PREP: variants seen among roughly 807,000 people sequenced by gnomAD.
PREP encodes the protein dJ355L5.1 (prolyl endopeptidase).
PREP carries 29 observed loss-of-function variants against 87.6 expected under a neutral mutation model. The ratio of observed to expected loss-of-function variants is 0.33; its 90% CI spans 0.25 to 0.45. PREP has a LOEUF of 0.45. Among genes scored for constraint, PREP ranks in the 20% least tolerant of loss-of-function variants. The probability of loss-of-function intolerance (pLI) is 1.00; values close to 1 mark genes in which losing one functional copy is unlikely to be tolerated. For synonymous variants in PREP, 337 were observed against 328.6 expected (o/e 1.03, Z -0.28); for missense variants, 695 against 886.5 (o/e 0.78, Z 2.74).
intron 7 of PREP, among the ~76,000 whole-genome samples, chr6:105,339,560 T>G (rs1264220633): frequency 1.3e-5 from 2 of 152,096 alleles, no homozygotes; most frequent in Non-Finnish European, 2.9e-5. Context: ...AGCAGAAGAC[T>G]TCAGATGATC....
At chr6:105,392,228 T>C (rs990154212) in intron 2 of PREP, among the ~76,000 whole-genome samples, 6 of 151,926 alleles carry the variant, frequency 3.9e-5, no homozygotes, top group Non-Finnish European at 8.8e-5. Flanking sequence ...TTAGTACAGA[T>C]GGGGTTTCAC....
chr6:105,280,927 G>A (rs1770068902), intron 14 of PREP: 1 of 152,126 alleles, frequency 6.6e-6, no homozygotes, highest in Non-Finnish European at 1.5e-5. Flanking sequence ...ACTTAATTTA[G>A]AAAAGGAAAT....
chr6:105,339,011 T>C (rs955610972), intron 7 of PREP, among the ~76,000 whole-genome samples: 2 of 152,230 alleles, frequency 1.3e-5, no homozygotes, highest in Non-Finnish European at 2.9e-5. Context: ...TAAACATCCC[T>C]GTCTGATAGC....
At position 105,277,882 on chromosome 6, in the gene PREP, C is replaced by CTATT. The variant is rs2114607185; in HGVS notation, c.*258_*261dup. On this transcript the variant is annotated 3_prime_UTR_variant, in exon 15 of 15. Transcript: ENST00000652536. ...TCACAATGTGTTTGTTGCCATTTAG[C>CTATT]TATTTATCCCAACATGCCCTTAAAA... The CTATT allele has an allele frequency of 3.9e-6, 2 of 507,038 alleles. No homozygotes were observed. Among genetic ancestry groups the CTATT allele is most frequent in the East Asian group, 3.3e-5 (1 of 29,924 alleles). The allele number at this position is 507,038 out of a possible 1,614,324, so 31.4% of individuals were successfully genotyped here.
intron 7 of PREP, among the ~76,000 whole-genome samples, chr6:105,345,617 A>G (rs1390939645): frequency 6.6e-6 from 1 of 152,224 alleles, no homozygotes; most frequent in Non-Finnish European, 1.5e-5. Context: ...TGTCACGACA[A>G]CAAATGCAAG....
Position 105,277,901 on chromosome 6 carries a change from C to T in PREP, c.*243G>A. On this transcript the variant is annotated 3_prime_UTR_variant, in exon 15 of 15. Transcript: ENST00000652536. ...ATTTAGCTATTTATCCCAACATGCC[C>T]TTAAAAAAAACACCAAAAAACCACA... 1.8e-6 allele frequency: 1 copy of T among 558,282 alleles called. No homozygotes were observed. The allele number at this position is 558,282 out of a possible 1,614,324, so 34.6% of individuals were successfully genotyped here.
Position 105,282,573 on chromosome 6 carries a change from A to G in PREP, c.1559T>C (p.Leu520Ser). The change falls in exon 13 of 15, where the codon TTG (leucine) becomes TCG (serine). Residue 520 changes from leucine (L) to serine (S), a missense_variant. Coordinates refer to ENST00000652536, the MANE Select transcript of PREP (RefSeq NM_002726.5). ...YGETWHKGGILANKQNCFDDF... is the reference protein window; with the variant it reads ...YGETWHKGGISANKQNCFDDF... ...ATCAAAGCAGTTTTGTTTGTTGGCC[A>G]AGATACCACCTACAGTGTGCCAAAG... 2 of 1,614,112 alleles carry G rather than the reference A, an allele frequency of 1.2e-6. No homozygotes were observed. Among genetic ancestry groups the G allele is most frequent in the Non-Finnish European group, 1.7e-6 (2 of 1,180,000 alleles).
chr6:105,302,235 G>A (rs1237712244), intron 10 of PREP, among the ~76,000 whole-genome samples: 1 of 152,188 alleles, frequency 6.6e-6, no homozygotes, highest in African/African-American at 2.4e-5. Flanking sequence ...CCTGTAACAT[G>A]GCTCACTGCA....
intron 2 of PREP, among the ~76,000 whole-genome samples, chr6:105,382,352 A>T (rs1012567146): frequency 2.8e-4 from 42 of 151,952 alleles, no homozygotes; most frequent in African/African-American, 9.9e-4. Context: ...AAATAGCTTG[A>T]TTTAGCCATT....
intron 7 of PREP, among the ~76,000 whole-genome samples, chr6:105,338,551 G>A (rs1184838319): frequency 1.3e-5 from 2 of 152,208 alleles, no homozygotes; most frequent in African/African-American, 4.8e-5. Flanking sequence ...TCAGACAGTG[G>A]GTGCAGCCCA....
At position 105,278,177 on chromosome 6, in the gene PREP, G is replaced by GATGAACGC; in HGVS notation, c.2092_2099dup (p.Ile700MetfsTer8). ...TCCAGTCGACGTTCAGGCACCGCGC[G>GATGAACGC]ATGAACGCAAACATGTCTGAGACTT... On this transcript the variant is annotated frameshift_variant, in exon 15 of 15. Coordinates refer to ENST00000652536, the MANE Select transcript of PREP (RefSeq NM_002726.5). LOFTEE classifies it high-confidence loss of function. The surrounding 1 kb of genome is among the most constrained non-coding windows in gnomAD (Gnocchi z 4.2). 6.2e-7 allele frequency: 1 copy of GATGAACGC among 1,613,468 alleles called. No homozygotes were observed. The highest frequency in any genetic ancestry group is 8.5e-7 in the Non-Finnish European group (1 of 1,179,480).
At chr6:105,300,490 A>G (rs1770511638) in intron 10 of PREP, among the ~76,000 whole-genome samples, 1 of 152,228 alleles carries the variant, frequency 6.6e-6, no homozygotes, top group South Asian at 2.1e-4. Context: ...AGCAAATCAT[A>G]AAGCTATCCC....
intron 10 of PREP, chr6:105,322,408 G>C: frequency 1.0e-6 from 1 of 971,324 alleles, no homozygotes; most frequent in Non-Finnish European, 1.2e-6. Context: ...CTTTACAGTT[G>C]AAAAAACTGT....
chr6:105,391,754 G>T (rs564598485), intron 2 of PREP, among the ~76,000 whole-genome samples: 1 of 152,362 alleles, frequency 6.6e-6, no homozygotes, highest in East Asian at 1.9e-4. Context: ...GAGACCGACT[G>T]AGAGGAAGAA....
intron 6 of PREP, among the ~76,000 whole-genome samples, chr6:105,366,626 A>G (rs1330287420): frequency 6.6e-6 from 1 of 152,220 alleles, no homozygotes; most frequent in Non-Finnish European, 1.5e-5. Flanking sequence ...TTTCCACTCT[A>G]TTTGTAAACA....
intron 2 of PREP, among the ~76,000 whole-genome samples, chr6:105,379,593 T>A: frequency 6.6e-6 from 1 of 152,148 alleles, no homozygotes; most frequent in East Asian, 1.9e-4. Flanking sequence ...ACTCAGAGAC[T>A]GAAAAAGGAT....
At chr6:105,279,573 C>CT (rs1224636398) in intron 14 of PREP, among the ~76,000 whole-genome samples, 1 of 152,116 alleles carries the variant, frequency 6.6e-6, no homozygotes, top group South Asian at 2.1e-4. Flanking sequence ...AGCTCTAGCT[C>CT]TTTTTTTGGG....
At chr6:105,368,575 C>T (rs1772455415) in intron 6 of PREP, among the ~76,000 whole-genome samples, 1 of 152,166 alleles carries the variant, frequency 6.6e-6, no homozygotes, top group Admixed American at 6.5e-5. Context: ...TGGAAGGCTA[C>T]CACACTCACC....
intron 7 of PREP, among the ~76,000 whole-genome samples, chr6:105,350,679 G>A (rs978419015): frequency 3.9e-5 from 6 of 152,034 alleles, no homozygotes; most frequent in African/African-American, 7.2e-5. Context: ...ACCCTGTCCC[G>A]CACCATTGAT....
Sources: gnomAD v4.1 joint callset for allele counts (sites outside exome capture counted in the v4.1 genomes callset) on GRCh38, gnomAD v4.1.1 for gene constraint, Gnocchi (gnomAD v3.1) non-coding constraint, MANE v1.5 for transcripts, NCBI Gene and HGNC (gene_info 2026-07-23, HGNC 2026-07-21) for gene names.